The following CTCFL variants were observed in gnomAD, a reference collection of about 807,000 sequenced individuals.
CTCFL encodes the protein CCCTC-binding factor like, also known as transcriptional repressor CTCFL.
Under a neutral mutation model 67.4 loss-of-function variants are expected in CTCFL, and 36 were observed. The observed-to-expected ratio is 0.53, with a 90% CI of 0.41 to 0.71. The LOEUF is 0.71. Among genes scored for constraint, CTCFL ranks in the 30% least tolerant of loss-of-function variants. The pLI is 0.00. For missense variants in CTCFL, 786 were observed against 835.2 expected, an observed-to-expected ratio of 0.94 and a Z score of 0.73; for synonymous variants, 324 against 302.3, an observed-to-expected ratio of 1.07 and a Z score of -0.75.
chr20:57,508,862 C>T, intron 8 of CTCFL, 74 bp from the exon 9 acceptor site: 3 of 1,331,540 alleles, frequency 2.3e-6, no homozygotes, highest in Non-Finnish European at 3.1e-6. Context: ...GTTTATCATA[C>T]AATACCTTTT....
At chr20:57,507,484 C>T in intron 9 of CTCFL, 1 of 673,810 alleles carries the variant, frequency 1.5e-6, no homozygotes, top group South Asian at 1.6e-5. Context: ...AGGTGTGAGC[C>T]CCCACAGCTG....
chr20:57,506,989 T>C, intron 9 of CTCFL: 2 of 984,638 alleles, frequency 2.0e-6, no homozygotes, highest in African/African-American at 1.7e-5. Flanking sequence ...TTTAAAAAAA[T>C]AGTCAACTTC....
downstream of CTCFL, chr20:57,496,262 G>A (rs535681294): frequency 1.2e-5 from 8 of 681,748 alleles, no homozygotes; most frequent in Admixed American, 1.0e-4. Context: ...ACCATGTGAC[G>A]CGCCTACTCC....
chr20:57,498,818 G>T, intron 10 of CTCFL, 117 bp from the exon 11 acceptor site: 1 of 866,394 alleles, frequency 1.2e-6, no homozygotes, highest in Non-Finnish European at 1.8e-6. Flanking sequence ...CAGCAAGCAT[G>T]TTAGAAAACA....
At chr20:57,513,445 G>A (rs993336295) in intron 7 of CTCFL, 1 of 990,662 alleles carries the variant, frequency 1.0e-6, no homozygotes, top group African/African-American at 1.7e-5. Context: ...GACATTTAGA[G>A]AGCTTGATTT....
In CTCFL at chr20:57,514,847, C is replaced by G; in HGVS notation, c.1181-106G>C. On this transcript the variant is annotated intron_variant, in intron 6 of 10. Coordinates refer to ENST00000243914, the MANE Select transcript of CTCFL (RefSeq NM_001386993.1). ...TTTTGCCCCAAGCCTCCTTTATCAA[C>G]CCCCTTCTCACCGGACAACCCCCAA... 4.1e-6 allele frequency: 5 copies of G among 1,233,450 alleles called. No homozygotes were observed. In the South Asian group the frequency reaches 7.3e-5, roughly 18 times the overall value. The allele number at this position is 1,233,450 out of a possible 1,614,324, so 76.4% of individuals were successfully genotyped here. A position where few individuals can be genotyped will look rare whatever the true frequency, so the allele number is the denominator to read the frequency against.
rs763756799 is a variant in CTCFL at position 57,498,653 on chromosome 20, C to G, written c.1889G>C (p.Gly630Ala). 1 of 1,614,130 alleles carries G rather than the reference C, an allele frequency of 6.2e-7. No homozygotes were observed. The highest frequency in any genetic ancestry group is 8.5e-7 in the Non-Finnish European group (1 of 1,180,002). Residue 630 changes from glycine (G) to alanine (A), a missense_variant, in exon 11 of 11, where the codon GGA becomes GCA. By Grantham distance (60) the Gly-to-Ala change is moderately conservative. Around this residue, in one of 3 missense-constraint regions of CTCFL, gnomAD observed 199 missense variants for 196.7 expected, o/e 1.01. Transcript: ENST00000243914. ...ASTTKGEQFPGEMFPVACRET... is the reference protein window; with the variant it reads ...ASTTKGEQFPAEMFPVACRET... The stretch of plus-strand genomic sequence containing the variant: ...TCTGCAGGCGACAGGAAACATCTCT[C>G]CTGGGAACTGTTCTCCCTTCGTGGT...
intron 3 of CTCFL, among the ~76,000 whole-genome samples, chr20:57,519,975 C>T (rs2069230212): frequency 1.3e-5 from 2 of 151,304 alleles, no homozygotes; most frequent in Admixed American, 1.3e-4. Context: ...CCAAAGGCCA[C>T]ATGGAGATAG....
chr20:57,513,774 G>C, intron 7 of CTCFL: 1 of 1,254,664 alleles, frequency 8.0e-7, no homozygotes, highest in Non-Finnish European at 1.0e-6. Context: ...TTGGGCAAAA[G>C]GGTCAAATTT....
chr20:57,506,069 C>T (rs764492848), intron 9 of CTCFL, among the ~76,000 whole-genome samples: 39 of 152,178 alleles, frequency 2.6e-4, no homozygotes, highest in Admixed American at 9.8e-4. Flanking sequence ...GGTTGGCAAA[C>T]GACAACCAGT....
intron 9 of CTCFL, chr20:57,507,785 C>T (rs959975947): frequency 2.8e-6 from 2 of 702,894 alleles, no homozygotes; most frequent in Non-Finnish European, 5.2e-6. Context: ...GTTCCCAACC[C>T]AGAGAATCTG....
At chr20:57,499,067 A>G (rs1487325571) in intron 10 of CTCFL, among the ~76,000 whole-genome samples, 1 of 11,318 alleles carries the variant, frequency 8.8e-5, no homozygotes, top group Non-Finnish European at 1.5e-4. Context: ...TGTCCCCTGA[A>G]GGTGACGGGG....
At chr20:57,504,284 C>CT (rs1280310031) in intron 9 of CTCFL, among the ~76,000 whole-genome samples, 3,586 of 141,260 alleles carry the variant, frequency 0.025, 133 homozygotes, top group African/African-American at 0.085. Flanking sequence ...CCCCCGTCTC[C>CT]TTTTTTTTTT....
chr20:57,512,804 C>G, intron 7 of CTCFL, 52 bp from the exon 8 acceptor site: 1 of 1,558,234 alleles, frequency 6.4e-7, no homozygotes, highest in East Asian at 2.3e-5. Flanking sequence ...TTTCTGTTAG[C>G]CTGCTTCCCC....
chr20:57,525,176 AG>A (rs1231064258), upstream of CTCFL: 1 of 119,696 alleles, frequency 8.4e-6, no homozygotes, highest in Non-Finnish European at 1.8e-5. Flanking sequence ...AGCGGAAAAG[AG>A]GGGGCGTGAA....
At chr20:57,518,473 A>T (rs915613300) in intron 5 of CTCFL, 2 of 1,367,682 alleles carry the variant, frequency 1.5e-6, no homozygotes, top group Non-Finnish European at 1.9e-6. Flanking sequence ...TAAAATGCAG[A>T]ACTTTTAAAC....
In CTCFL at chr20:57,518,845, G is replaced by C. The variant is rs770977683; in HGVS notation, c.972C>G (p.Thr324=). Residue 324 remains threonine (T), a synonymous_variant, in exon 5 of 11, where the codon ACC becomes ACG. Transcript: ENST00000243914. ...GCCTGTGTCGGACGAGTTCTCCACT[G>C]GTGACAAATGCCATGTTGCAGTCGT... is the stretch of plus-strand genomic sequence containing the variant. ...KCNDCNMAFV[T]SGELVRHRRY... 3.1e-6 allele frequency: 5 copies of C among 1,614,096 alleles called. No homozygotes were observed. In the South Asian group the frequency reaches 3.3e-5, roughly 11 times the overall value.
intron 8 of CTCFL, 74 bp downstream of exon 8, chr20:57,512,518 G>A: frequency 6.9e-7 from 1 of 1,443,896 alleles, no homozygotes. Flanking sequence ...TATCTTCAAG[G>A]TGGTAGAGAA....
intron 8 of CTCFL, among the ~76,000 whole-genome samples, 192 bp from the exon 9 acceptor site, chr20:57,508,980 G>T (rs992334627): frequency 2.6e-5 from 4 of 152,184 alleles, no homozygotes; most frequent in African/African-American, 9.7e-5. Flanking sequence ...AACAAAACTC[G>T]TATGCAGCAG....
Sources: gnomAD v4.1 joint callset for allele counts (sites outside exome capture counted in the v4.1 genomes callset) on GRCh38, gnomAD v4.1.1 for gene constraint, gnomAD v4.1.1 regional missense constraint, MANE v1.5 for transcripts, NCBI Gene and HGNC (gene_info 2026-07-23, HGNC 2026-07-21) for gene names.